KIF21A: variants seen among roughly 807,000 people sequenced by gnomAD.
KIF21A encodes kinesin-like protein KIF21A.
Under a neutral mutation model 202.9 loss-of-function variants are expected in KIF21A, and 114 were observed. That is an observed-to-expected ratio of 0.56 (90% CI 0.48 to 0.66). The LOEUF (loss-of-function observed/expected upper bound fraction) is 0.66. Ranked by LOEUF, KIF21A falls within the 30% of genes least tolerant of loss-of-function variation. The pLI is 0.00. For synonymous variants in KIF21A, 667 were observed against 670.8 expected, an observed-to-expected ratio of 0.99 and a Z score of 0.09; for missense variants, 1,677 against 1,994.9, an observed-to-expected ratio of 0.84 and a Z score of 3.04.
chr12:39,403,304 G>A (rs999156130), intron 1 of KIF21A, among the ~76,000 whole-genome samples: 1 of 152,118 alleles, frequency 6.6e-6, no homozygotes, highest in Non-Finnish European at 1.5e-5. Flanking sequence ...GTAAGACAAA[G>A]CATGTTTACT....
At chr12:39,311,329 A>T in intron 32 of KIF21A, 88 bp downstream of exon 32, 1 of 1,196,924 alleles carries the variant, frequency 8.4e-7, no homozygotes, top group Non-Finnish European at 1.2e-6. Context: ...GGTCTTAAAT[A>T]GTTTGACAGT....
At chr12:39,438,648 G>A (rs1484153679) in intron 1 of KIF21A, among the ~76,000 whole-genome samples, 2 of 152,132 alleles carry the variant, frequency 1.3e-5, no homozygotes, top group Non-Finnish European at 2.9e-5. Flanking sequence ...GTCAAGGATA[G>A]GTACAGTTCT....
chr12:39,438,108 T>C (rs1290780968), intron 1 of KIF21A, among the ~76,000 whole-genome samples: 1 of 152,142 alleles, frequency 6.6e-6, no homozygotes, highest in African/African-American at 2.4e-5. Context: ...TTGAGACACA[T>C]TTTTCTCCTC....
chr12:39,441,612 A>G (rs973387379), intron 1 of KIF21A, among the ~76,000 whole-genome samples: 1 of 145,490 alleles, frequency 6.9e-6, no homozygotes, highest in African/African-American at 2.5e-5. Flanking sequence ...CAAAAGCCTT[A>G]TAACAGGTGA....
intron 1 of KIF21A, among the ~76,000 whole-genome samples, chr12:39,413,633 A>C (rs987415127): frequency 1.3e-5 from 2 of 152,212 alleles, no homozygotes; most frequent in Non-Finnish European, 1.5e-5. Context: ...AGAATACAAA[A>C]ATGTACTCAG....
intron 1 of KIF21A, among the ~76,000 whole-genome samples, chr12:39,385,431 T>C (rs548401727): frequency 7.9e-5 from 12 of 152,256 alleles, no homozygotes; most frequent in African/African-American, 2.9e-4. Flanking sequence ...TCTCGACCAT[T>C]TCATCCATAC....
chr12:39,330,946 G>T, intron 22 of KIF21A, 35 bp from the exon 23 acceptor site: 1 of 1,603,948 alleles, frequency 6.2e-7, no homozygotes, highest in Non-Finnish European at 8.5e-7. Context: ...TAGGTCATAC[G>T]AAACAGGATC....
intron 1 of KIF21A, among the ~76,000 whole-genome samples, chr12:39,436,422 T>TTATATACATATATATATATATA (rs1938707392): frequency 1.0e-5 from 1 of 99,116 alleles, no homozygotes; most frequent in Non-Finnish European, 1.9e-5. Flanking sequence ...GTTTACTATA[T>TTATATACATATATATATATATA]TATATATATA....
At chr12:39,323,671 T>A (rs2137810994) in intron 26 of KIF21A, among the ~76,000 whole-genome samples, 1 of 152,298 alleles carries the variant, frequency 6.6e-6, no homozygotes, top group South Asian at 2.1e-4. Context: ...TAACAGATAA[T>A]CAAGTGTTTT....
intron 1 of KIF21A, among the ~76,000 whole-genome samples, chr12:39,428,668 T>TA (rs1184157431): frequency 2.0e-5 from 3 of 152,146 alleles, no homozygotes; most frequent in African/African-American, 7.2e-5. Flanking sequence ...AGTCAATCTT[T>TA]AAAAATGACT....
chr12:39,345,877 A>G (rs909767011), intron 12 of KIF21A, among the ~76,000 whole-genome samples: 1 of 152,092 alleles, frequency 6.6e-6, no homozygotes, highest in Non-Finnish European at 1.5e-5. Flanking sequence ...TTTGATGTCC[A>G]CTTCAAATAC....
At chr12:39,332,780 A>C (rs151215496) in intron 19 of KIF21A, 36 bp from the exon 20 acceptor site, 1 of 1,610,822 alleles carries the variant, frequency 6.2e-7, no homozygotes, top group South Asian at 1.1e-5. Flanking sequence ...TCAATTACTT[A>C]TGCACTTATT....
intron 31 of KIF21A, 169 bp from the exon 32 acceptor site, chr12:39,311,722 A>T: frequency 1.5e-6 from 1 of 670,914 alleles, no homozygotes; most frequent in Non-Finnish European, 2.6e-6. Context: ...TGAAATAATA[A>T]TAGTGATGGA....
intron 8 of KIF21A, 82 bp downstream of exon 8, chr12:39,358,096 C>A (rs539224460): frequency 8.6e-7 from 1 of 1,159,474 alleles, no homozygotes; most frequent in East Asian, 2.3e-5. Context: ...TCCAGAAACA[C>A]GTATGTGTAA....
chr12:39,353,319 C>T (rs934260991), intron 10 of KIF21A, among the ~76,000 whole-genome samples: 3 of 152,128 alleles, frequency 2.0e-5, no homozygotes, highest in Non-Finnish European at 4.4e-5. Context: ...GCCACCCCAC[C>T]TGGTCCTACA....
intron 34 of KIF21A, among the ~76,000 whole-genome samples, 161 bp from the exon 35 acceptor site, chr12:39,305,099 C>T (rs1943325561): frequency 6.6e-6 from 1 of 151,866 alleles, no homozygotes; most frequent in South Asian, 2.1e-4. Flanking sequence ...GGTGCAGCGG[C>T]TAATGCCTGT....
chr12:39,341,701 G>T, intron 13 of KIF21A, 79 bp from the exon 14 acceptor site: 1 of 1,430,478 alleles, frequency 7.0e-7, no homozygotes, highest in Non-Finnish European at 9.5e-7. Flanking sequence ...GGCTGCTGGA[G>T]TACAAAGTAC....
intron 29 of KIF21A, among the ~76,000 whole-genome samples, chr12:39,316,728 T>C (rs889580327): frequency 4.6e-5 from 7 of 152,148 alleles, no homozygotes; most frequent in Non-Finnish European, 1.5e-5. Flanking sequence ...GCTAGTGGGA[T>C]ATGGTTGCTT....
intron 1 of KIF21A, among the ~76,000 whole-genome samples, chr12:39,394,952 CCTT>C (rs1228157582): frequency 6.6e-6 from 1 of 152,178 alleles, no homozygotes; most frequent in African/African-American, 2.4e-5. Flanking sequence ...GTCTTCCTAG[CCTT>C]CTTCTCTCTT....
Sources: allele counts gnomAD v4.1 joint callset (sites outside exome capture counted in the v4.1 genomes callset), GRCh38; gene constraint gnomAD v4.1.1; transcripts MANE v1.5; gene names NCBI Gene and HGNC (gene_info 2026-07-23, HGNC 2026-07-21).